The following TMOD3 variants were observed in gnomAD, a reference collection of about 807,000 sequenced individuals.
The protein encoded by TMOD3 is tropomodulin-3.
TMOD3 carries 20 observed loss-of-function variants against 39.2 expected under a neutral mutation model. That is an observed-to-expected ratio of 0.51 (90% CI 0.36 to 0.74). The LOEUF (loss-of-function observed/expected upper bound fraction) is 0.74. TMOD3 is among the 30% of genes least tolerant of loss of function. The pLI, the probability that TMOD3 is intolerant of heterozygous loss-of-function variation, is 0.00. For synonymous variants in TMOD3, 143 were observed against 145.8 expected (o/e 0.98, Z 0.14); for missense variants, 381 against 412.8 (o/e 0.92, Z 0.67).
intron 9 of TMOD3, 45 bp from the exon 10 acceptor site, chr15:51,908,731 A>G: frequency 1.3e-6 from 2 of 1,535,960 alleles, no homozygotes; most frequent in Non-Finnish European, 1.8e-6. Context: ...CCATTGTAAA[A>G]ACTAATAGGG....
At chr15:51,833,209 G>A (rs1001534120) in intron 1 of TMOD3, 1 of 152,168 alleles carries the variant, frequency 6.6e-6, no homozygotes, top group African/African-American at 2.4e-5. Flanking sequence ...ATCTATATGT[G>A]TCTGTAATCC....
chr15:51,908,162 G>A (rs80269030), intron 9 of TMOD3, among the ~76,000 whole-genome samples: 1 of 152,194 alleles, frequency 6.6e-6, no homozygotes, highest in African/African-American at 2.4e-5. Flanking sequence ...AATCAGGAGA[G>A]CATGCAAATA....
intron 1 of TMOD3, among the ~76,000 whole-genome samples, chr15:51,840,278 C>G (rs2554351): frequency 2.6e-5 from 4 of 152,070 alleles, no homozygotes; most frequent in Non-Finnish European, 5.9e-5. Context: ...TCAGTCTCTG[C>G]GCTTAATTGC....
intron 3 of TMOD3, among the ~76,000 whole-genome samples, chr15:51,879,283 G>T (rs1216759063): frequency 6.6e-6 from 1 of 151,830 alleles, no homozygotes; most frequent in Non-Finnish European, 1.5e-5. Flanking sequence ...AGCAACCAAG[G>T]TTCAGCCTTA....
intron 3 of TMOD3, among the ~76,000 whole-genome samples, chr15:51,878,845 C>T (rs2056518576): frequency 6.6e-6 from 1 of 152,144 alleles, no homozygotes; most frequent in East Asian, 1.9e-4. Flanking sequence ...TGGAACAAGG[C>T]AGTTTATAAA....
At chr15:51,831,199 G>C (rs1346944183) in intron 1 of TMOD3, among the ~76,000 whole-genome samples, 1 of 152,172 alleles carries the variant, frequency 6.6e-6, no homozygotes, top group Non-Finnish European at 1.5e-5. Flanking sequence ...TAGACCTACT[G>C]CTCAATTTTA....
chr15:51,880,703 C>T (rs1595903436), intron 3 of TMOD3, among the ~76,000 whole-genome samples: 1 of 152,108 alleles, frequency 6.6e-6, no homozygotes, highest in Admixed American at 6.5e-5. Context: ...ATTGTGGATA[C>T]CACGTTTTGT....
chr15:51,864,005 C>T (rs761271174), intron 2 of TMOD3, among the ~76,000 whole-genome samples: 8 of 152,066 alleles, frequency 5.3e-5, no homozygotes, highest in Non-Finnish European at 7.4e-5. Flanking sequence ...GGTGCTCACG[C>T]CTATAATCGC....
At chr15:51,866,713 T>TCTC (rs900033948) in intron 2 of TMOD3, among the ~76,000 whole-genome samples, 1 of 152,162 alleles carries the variant, frequency 6.6e-6, no homozygotes. Context: ...TTAATGAGAA[T>TCTC]CTTTCTTTAA....
chr15:51,850,309 A>C (rs536903158), intron 1 of TMOD3, among the ~76,000 whole-genome samples: 2 of 152,294 alleles, frequency 1.3e-5, no homozygotes, highest in Admixed American at 6.5e-5. Context: ...ATGAGCAGGG[A>C]TGGGATCTGG....
intron 5 of TMOD3, among the ~76,000 whole-genome samples, chr15:51,890,750 A>G (rs768940871): frequency 3.3e-5 from 5 of 152,198 alleles, no homozygotes; most frequent in African/African-American, 1.2e-4. Flanking sequence ...AGACATGTGT[A>G]TAACATTCCT....
Position 51,860,659 on chromosome 15 carries a change from G to A in TMOD3, c.-74-2152G>A, listed in dbSNP as rs969446910. ...TTACAAAAAACTACATAGGAGGCCA[G>A]GCACGGTGGCTCATGCCTGTAGTCC... On this transcript the variant is annotated intron_variant, in intron 1 of 9. Coordinates refer to ENST00000308580, the MANE Select transcript of TMOD3 (RefSeq NM_014547.5). 1.3e-4 allele frequency: 69 copies of A among 516,294 alleles called. 1 individual carries two copies. The highest frequency in any genetic ancestry group is 6.3e-4 in the Middle Eastern group (1 of 1,584). The allele number at this position is 516,294 out of a possible 1,614,324, so 32.0% of individuals were successfully genotyped here. A position where few individuals can be genotyped will look rare whatever the true frequency, so the allele number is the denominator to read the frequency against.
At position 51,887,628 on chromosome 15, in the gene TMOD3, T is replaced by C. The variant is rs952478522; in HGVS notation, c.323T>C (p.Phe108Ser). 2.5e-6 allele frequency: 4 copies of C among 1,613,800 alleles called. No homozygotes were observed. Among genetic ancestry groups the C allele is most frequent in the Non-Finnish European group, 3.4e-6 (4 of 1,179,940 alleles). ...CCCAAACAGAAACCTGTACAGACTT[T>C]TACAGAAGAAAAAGTGTCTCTTGAT... ...FIPKQKPVQT[F>S]TEEKVSLDPE... is the part of the protein sequence containing the mutation. Residue 108 changes from phenylalanine to serine, a missense_variant, in exon 4 of 10, where the codon TTT (phenylalanine) becomes TCT (serine). Coordinates refer to ENST00000308580, the MANE Select transcript of TMOD3 (RefSeq NM_014547.5).
intron 1 of TMOD3, chr15:51,860,401 C>T (rs2056411359): frequency 3.1e-5 from 17 of 545,606 alleles, no homozygotes; most frequent in South Asian, 2.2e-4. Context: ...TCTTGCTTTT[C>T]CTTCCTCAGT....
chr15:51,838,817 A>G (rs1300636354), intron 1 of TMOD3, among the ~76,000 whole-genome samples: 1 of 151,928 alleles, frequency 6.6e-6, no homozygotes, highest in African/African-American at 2.4e-5. Context: ...CTAGCTTGTT[A>G]TGGTAGTGCC....
intron 2 of TMOD3, among the ~76,000 whole-genome samples, chr15:51,865,954 C>G (rs1249464820): frequency 6.6e-6 from 1 of 151,324 alleles, no homozygotes; most frequent in African/African-American, 2.4e-5. Context: ...AGCTTTTTTT[C>G]CCCCCCAAGG....
intron 3 of TMOD3, among the ~76,000 whole-genome samples, chr15:51,883,107 A>G (rs1938079067): frequency 6.6e-6 from 1 of 152,212 alleles, no homozygotes. Context: ...AAATACCTCT[A>G]TGGCAAAAAT....
At chr15:51,855,634 C>T (rs1296289463) in intron 1 of TMOD3, among the ~76,000 whole-genome samples, 1 of 152,198 alleles carries the variant, frequency 6.6e-6, no homozygotes, top group Non-Finnish European at 1.5e-5. Context: ...ATACATTTTA[C>T]ATTAGCTTAG....
At chr15:51,855,458 T>A (rs1243419581) in intron 1 of TMOD3, among the ~76,000 whole-genome samples, 9 of 152,248 alleles carry the variant, frequency 5.9e-5, no homozygotes, top group Admixed American at 5.9e-4. Context: ...TCTGAACATA[T>A]CAGAATTCCA....
Sources: gnomAD v4.1 joint callset for allele counts (sites outside exome capture counted in the v4.1 genomes callset) on GRCh38, gnomAD v4.1.1 for gene constraint, MANE v1.5 for transcripts, NCBI Gene and HGNC (gene_info 2026-07-23, HGNC 2026-07-21) for gene names.